DNAJA2: variants seen among roughly 807,000 people sequenced by gnomAD.
DNAJA2 encodes the protein dnaJ homolog subfamily A member 2.
In DNAJA2, 6 loss-of-function variants were observed where a neutral mutation model predicts 49.3. That is an observed-to-expected ratio of 0.12 (90% CI 0.07 to 0.24). The LOEUF (loss-of-function observed/expected upper bound fraction) is 0.24, where lower values mean the gene tolerates loss of function less well. Among genes scored for constraint, DNAJA2 ranks in the 10% least tolerant of loss-of-function variants. The pLI, the probability that DNAJA2 is intolerant of heterozygous loss-of-function variation, is 1.00. For synonymous variants in DNAJA2, 160 were observed against 172.7 expected (o/e 0.93, Z 0.58); for missense variants, 347 against 516.8 (o/e 0.67, Z 3.19).
chr16:46,956,966 T>C lies in DNAJA2; in HGVS notation c.*63A>G, dbSNP rs977159622. The C allele has an allele frequency of 2.1e-5, 33 of 1,578,456 alleles. No homozygotes were observed. The highest frequency in any genetic ancestry group is 4.5e-5 in the East Asian group (2 of 44,716). Reference sequence around the variant, plus strand: ...GGATTGATAAGACACTCCAGCTGGATTGCTGAGAACAAATCAGGCAAATGT... The same window carrying C: ...GGATTGATAAGACACTCCAGCTGGACTGCTGAGAACAAATCAGGCAAATGT... On this transcript the variant is annotated 3_prime_UTR_variant, in exon 9 of 9. Coordinates refer to ENST00000317089, the MANE Select transcript of DNAJA2 (RefSeq NM_005880.4).
chr16:46,962,664 T>C (rs1012507119), intron 6 of DNAJA2, among the ~76,000 whole-genome samples: 1 of 152,212 alleles, frequency 6.6e-6, no homozygotes. Flanking sequence ...TGTTAACAAA[T>C]AGCAAATCTT....
chr16:46,973,572 T>TGGCG lies in DNAJA2; in HGVS notation c.-4_-1dup. On this transcript the variant is annotated 5_prime_UTR_variant, in exon 1 of 9. Transcript: ENST00000317089. Reference sequence around the variant, plus strand: ...AGCTTCGTGTCAGCCACGTTAGCCATGGCGGCCGGCCGGGCAGTGCTCGGG... The same window carrying TGGCG: ...AGCTTCGTGTCAGCCACGTTAGCCATGGCGGGCGGCCGGCCGGGCAGTGCTCGGG... 1 of 1,594,012 alleles carries TGGCG rather than the reference T, an allele frequency of 6.3e-7. No individual in the cohort carries two copies. The highest frequency in any genetic ancestry group is 1.1e-5 in the South Asian group (1 of 89,348).
chr16:46,959,592 G>A, intron 6 of DNAJA2, 173 bp from the exon 7 acceptor site: 1 of 561,590 alleles, frequency 1.8e-6, no homozygotes, highest in Non-Finnish European at 3.1e-6. Flanking sequence ...CTATTCCCAA[G>A]TAGTATGTGA....
At chr16:46,971,047 A>G (rs866673963) in intron 3 of DNAJA2, among the ~76,000 whole-genome samples, 3 of 151,886 alleles carry the variant, frequency 2.0e-5, no homozygotes, top group African/African-American at 4.8e-5. Context: ...AAAAAAAAAA[A>G]AGAGAGAGAG....
chr16:46,965,277 G>C (rs145202191), intron 5 of DNAJA2, among the ~76,000 whole-genome samples: 3 of 152,162 alleles, frequency 2.0e-5, no homozygotes, highest in African/African-American at 7.2e-5. Flanking sequence ...CAGACTGCCT[G>C]AAGGACTCAG....
intron 6 of DNAJA2, among the ~76,000 whole-genome samples, chr16:46,964,320 C>A (rs1007878907): frequency 6.6e-6 from 1 of 152,034 alleles, no homozygotes; most frequent in African/African-American, 2.4e-5. Flanking sequence ...TGTAGTGAGC[C>A]GAGATCGCAC....
chr16:46,968,280 C>T (rs1962002340), intron 3 of DNAJA2, 116 bp from the exon 4 acceptor site: 6 of 640,190 alleles, frequency 9.4e-6, no homozygotes, highest in Admixed American at 3.3e-5. Context: ...AATTCAAAAA[C>T]ACCTCATAAT....
chr16:46,971,690 T>C, intron 2 of DNAJA2, 118 bp from the exon 3 acceptor site: 1 of 756,248 alleles, frequency 1.3e-6, no homozygotes, highest in South Asian at 1.7e-5. Flanking sequence ...ACAAGTTACC[T>C]TTGACTTGAT....
At chr16:46,965,832 C>CAAAAAAAAAAAAAA (rs765934380) in intron 5 of DNAJA2, among the ~76,000 whole-genome samples, 1 of 55,712 alleles carries the variant, frequency 1.8e-5, no homozygotes, top group Admixed American at 2.0e-4. Flanking sequence ...CTCCGTCTCA[C>CAAAAAAAAAAAAAA]AAAAAAAAAA....
At chr16:46,970,918 A>G (rs997718395) in intron 3 of DNAJA2, among the ~76,000 whole-genome samples, 4 of 151,582 alleles carry the variant, frequency 2.6e-5, no homozygotes, top group Admixed American at 2.0e-4. Context: ...TATGCCTGTA[A>G]TCCCAGCTAC....
chr16:46,967,475 A>G (rs1192454225), intron 5 of DNAJA2, 38 bp downstream of exon 5: 1 of 1,612,624 alleles, frequency 6.2e-7, no homozygotes, highest in South Asian at 1.1e-5. Flanking sequence ...TTCCCAATCC[A>G]TTCCAACATA....
intron 6 of DNAJA2, among the ~76,000 whole-genome samples, chr16:46,962,344 A>G (rs1961908432): frequency 6.6e-6 from 1 of 152,194 alleles, no homozygotes; most frequent in African/African-American, 2.4e-5. Context: ...TAGGGATAAA[A>G]AAGGTTTTAC....
At chr16:46,967,754 G>A (rs896431328) in intron 4 of DNAJA2, 108 bp from the exon 5 acceptor site, 17 of 1,416,670 alleles carry the variant, frequency 1.2e-5, no homozygotes, top group Non-Finnish European at 1.5e-5. Flanking sequence ...CCAATAACTT[G>A]TATTTAAATT....
Position 46,971,553 on chromosome 16 carries a change from G to A in DNAJA2, c.158C>T (p.Ala53Val). 6.4e-7 allele frequency: 1 copy of A among 1,574,432 alleles called. No homozygotes were observed. Among genetic ancestry groups the A allele is most frequent in the Non-Finnish European group, 8.6e-7 (1 of 1,165,608 alleles). ...CTCAGGATTTGATAGTACTTCATAT[G>A]CAAAACTTATTTCTTTAAACTATAA... is the stretch of plus-strand genomic sequence containing the variant. Reference protein sequence around the residue: ...AGDKFKEISFAYEVLSNPEKR... With the variant: ...AGDKFKEISFVYEVLSNPEKR... The change falls in exon 3 of 9, where the codon GCA becomes GTA. Residue 53 changes from alanine (A) to valine (V), a missense_variant. Transcript: ENST00000317089.
rs540613521 is a variant in DNAJA2 at position 46,965,461 on chromosome 16, T to C, written c.578-654A>G. ...GCACATTTGAAGGCTTAGAAAGAAG[T>C]GTATAACTGATTATTTAGGGACTGT... is the stretch of plus-strand genomic sequence containing the variant. On this transcript the variant is annotated intron_variant, in intron 5 of 8. Transcript: ENST00000317089. Among the ~76,000 whole-genome samples, 32 of 152,294 alleles carry C rather than the reference T, an allele frequency of 2.1e-4. No homozygotes were observed. The South Asian group carries it at 4.8e-3, about 23-fold the overall frequency.
At chr16:46,970,057 TC>T (rs1258565081) in intron 3 of DNAJA2, among the ~76,000 whole-genome samples, 1 of 152,242 alleles carries the variant, frequency 6.6e-6, no homozygotes, top group East Asian at 1.9e-4. Flanking sequence ...TAACATGACT[TC>T]CTCTAATTTA....
At chr16:46,972,258 C>T in intron 1 of DNAJA2, 1 of 297,534 alleles carries the variant, frequency 3.4e-6, no homozygotes, top group Non-Finnish European at 6.2e-6. Context: ...TCCCTATTGT[C>T]AAGTGTCTTT....
At chr16:46,968,015 TAC>T in intron 4 of DNAJA2, 67 bp downstream of exon 4, 1 of 1,377,362 alleles carries the variant, frequency 7.3e-7, no homozygotes, top group Non-Finnish European at 1.0e-6. Context: ...TTTTACGTGG[TAC>T]AGACATTCAG....
chr16:46,959,316 T>G lies in DNAJA2; in HGVS notation c.878A>C (p.Gln293Pro). ...GCCAGGGGGGTATTTCACCACAATCTGACGTCCATCAAGGTGCTTAAATGT... is the reference window on the plus strand; with the variant it reads ...GCCAGGGGGGTATTTCACCACAATCGGACGTCCATCAAGGTGCTTAAATGT... Reference protein sequence around the residue: ...QFTFKHLDGRQIVVKYPPGKV... With the variant: ...QFTFKHLDGRPIVVKYPPGKV... The change falls in exon 7 of 9, where the codon CAG becomes CCG. Residue 293 changes from glutamine (Q) to proline (P), a missense_variant. Transcript: ENST00000317089. 1.2e-6 allele frequency: 2 copies of G among 1,614,126 alleles called. No homozygotes were observed. Among genetic ancestry groups the G allele is most frequent in the Non-Finnish European group, 1.7e-6 (2 of 1,179,994 alleles).
Sources: gnomAD v4.1 joint callset for allele counts (sites outside exome capture counted in the v4.1 genomes callset) on GRCh38, gnomAD v4.1.1 for gene constraint, MANE v1.5 for transcripts, NCBI Gene and HGNC (gene_info 2026-07-23, HGNC 2026-07-21) for gene names.